MYOF: variants seen among roughly 807,000 people sequenced by gnomAD.
MYOF encodes the protein fer-1-like 3, myoferlin.
MYOF carries 244 observed loss-of-function variants against 284.2 expected under a neutral mutation model. The ratio of observed to expected loss-of-function variants is 0.86; its 90% confidence interval spans 0.77 to 0.95. The LOEUF (loss-of-function observed/expected upper bound fraction) is 0.95. Ranked by LOEUF, MYOF falls within the 40% of genes least tolerant of loss-of-function variation. MYOF has a pLI of 0.00. For missense variants in MYOF, 2,496 were observed against 2,560.6 expected (o/e 0.97, Z 0.54); for synonymous variants, 904 against 919.7 (o/e 0.98, Z 0.31).
Position 93,326,110 on chromosome 10 carries a change from A to G in MYOF, c.5132-145T>C, listed in dbSNP as rs1031591271. The G allele has an allele frequency of 1.4e-5, 15 of 1,082,126 alleles. No individual in the cohort carries two copies. The African/African-American group carries it at 2.2e-4, about 16-fold the overall frequency. 67.0% of individuals were successfully genotyped at this position (1,082,126 alleles called of 1,614,324 possible). A position where few individuals can be genotyped will look rare whatever the true frequency, so the allele number is the denominator to read the frequency against. On this transcript the variant is annotated intron_variant, in intron 45 of 53. Coordinates refer to ENST00000359263, the MANE Select transcript of MYOF (RefSeq NM_013451.4). ...CATGCAAACTTTGACTTGTGAAGGA[A>G]GAGTTGACAGAAAGAGCTTCTGACC...
intron 26 of MYOF, among the ~76,000 whole-genome samples, chr10:93,364,608 C>T (rs975375338): frequency 6.6e-6 from 1 of 152,160 alleles, no homozygotes; most frequent in African/African-American, 2.4e-5. Context: ...GACAGCCAAA[C>T]CAGGTCATTT....
intron 53 of MYOF, 89 bp downstream of exon 53, chr10:93,309,931 C>G: frequency 6.5e-7 from 1 of 1,528,454 alleles, no homozygotes; most frequent in Non-Finnish European, 9.0e-7. Flanking sequence ...GGTCATTCTT[C>G]TGCACAGTGG....
Position 93,381,296 on chromosome 10 carries a change from C to G in MYOF, c.1799G>C (p.Gly600Ala), listed in dbSNP as rs1278290684. Reference sequence around the variant, plus strand: ...GGTGTCAAACTTGTTGCCATAGTTCCCAATGCTGACTTCAAACTGAATGGC... The same window carrying G: ...GGTGTCAAACTTGTTGCCATAGTTCGCAATGCTGACTTCAAACTGAATGGC... ...GEAIQFEVSI[G>A]NYGNKFDTTC... is the part of the protein sequence containing the mutation. The change falls in exon 20 of 54, where the codon GGG becomes GCG. Residue 600 changes from glycine (G) to alanine (A), a missense_variant. This residue lies in a region of MYOF where 2,436 missense variants were observed against 2,480.7 expected (regional missense o/e 0.98). Transcript: ENST00000359263. 1 of 1,614,046 alleles carries G rather than the reference C, an allele frequency of 6.2e-7. No individual in the cohort carries two copies. The highest frequency in any genetic ancestry group is 8.5e-7 in the Non-Finnish European group (1 of 1,180,054).
intron 1 of MYOF, among the ~76,000 whole-genome samples, chr10:93,481,182 T>C (rs865848688): frequency 2.0e-5 from 3 of 152,196 alleles, no homozygotes; most frequent in Non-Finnish European, 2.9e-5. Context: ...CAATCAAGTG[T>C]CATAGAAAAA....
At chr10:93,329,904 T>C (rs941269582) in intron 43 of MYOF, 70 bp from the exon 44 acceptor site, 9 of 1,510,006 alleles carry the variant, frequency 6.0e-6, no homozygotes, top group Non-Finnish European at 7.3e-6. Context: ...TGGGGCTCTG[T>C]GCACAGAATT....
chr10:93,461,890 C>G (rs1475291975), intron 1 of MYOF, among the ~76,000 whole-genome samples: 3 of 152,192 alleles, frequency 2.0e-5, no homozygotes, highest in South Asian at 4.1e-4. Flanking sequence ...TCTCCCAATG[C>G]ATGTTCCTGA....
At chr10:93,422,184 G>A (rs1330753571) in intron 5 of MYOF, among the ~76,000 whole-genome samples, 2 of 152,216 alleles carry the variant, frequency 1.3e-5, no homozygotes, top group Admixed American at 6.5e-5. Context: ...TTGCCCTGCA[G>A]ACACAGCTCA....
At chr10:93,417,365 A>G (rs1397564965) in intron 5 of MYOF, among the ~76,000 whole-genome samples, 115 of 152,296 alleles carry the variant, frequency 7.6e-4, no homozygotes, top group Non-Finnish European at 2.5e-4. Flanking sequence ...TCCTCTTTCC[A>G]GACGCTCAGC....
intron 50 of MYOF, 124 bp downstream of exon 50, chr10:93,316,590 C>T: frequency 1.2e-5 from 10 of 809,962 alleles, no homozygotes; most frequent in Middle Eastern, 6.9e-4. Flanking sequence ...TATCCCCTGT[C>T]CCCCCACCAG....
In MYOF at chr10:93,325,936, C is replaced by T. The variant is rs565434611; in HGVS notation, c.5161G>A (p.Gly1721Arg). The change falls in exon 46 of 54, where the codon GGG (glycine) becomes AGG (arginine). Residue 1721 changes from glycine to arginine, a missense_variant. Coordinates refer to ENST00000359263, the MANE Select transcript of MYOF (RefSeq NM_013451.4). Reference sequence around the variant, plus strand: ...AGAGCAAGCCGCTCTTCAGGGGCCCCGAGGTGCTGGTGCAGGATTTTGTTG... The same window carrying T: ...AGAGCAAGCCGCTCTTCAGGGGCCCTGAGGTGCTGGTGCAGGATTTTGTTG... ...EANKILHQHL[G>R]APEERLALHI... 112 of 1,613,830 alleles carry T rather than the reference C, an allele frequency of 6.9e-5. No individual in the cohort carries two copies. The highest frequency in any genetic ancestry group is 1.0e-4 in the Admixed American group (6 of 59,964).
rs892021182 is a variant in MYOF, at chr10:93,397,232, G to A, written c.1334+15C>T. ...ATTTTATGTTGAATTAGACACATAC[G>A]TATTTTCAACTCACCAGTCATATAT... On this transcript the variant is annotated intron_variant, in intron 15 of 53. Transcript: ENST00000359263. 1.2e-5 allele frequency: 19 copies of A among 1,551,912 alleles called. No individual in the cohort carries two copies. Among genetic ancestry groups the A allele is most frequent in the Middle Eastern group, 2.3e-4 (1 of 4,346 alleles).
intron 4 of MYOF, 126 bp from the exon 5 acceptor site, chr10:93,426,284 G>A (rs1015876939): frequency 9.0e-6 from 8 of 893,668 alleles, no homozygotes; most frequent in Non-Finnish European, 1.3e-5. Context: ...GTAGGTAAGC[G>A]AGGCTGGAAA....
intron 48 of MYOF, among the ~76,000 whole-genome samples, 169 bp from the exon 49 acceptor site, chr10:93,320,182 A>G (rs895537063): frequency 2.6e-5 from 4 of 152,174 alleles, no homozygotes; most frequent in South Asian, 4.1e-4. Context: ...GAGGTGCTCT[A>G]TTGCATCCAA....
chr10:93,324,226 G>A (rs1042066137), intron 46 of MYOF: 1 of 152,216 alleles, frequency 6.6e-6, no homozygotes, highest in African/African-American at 2.4e-5. Flanking sequence ...AACTGTTTTT[G>A]AGTGTTCTGT....
intron 29 of MYOF, 130 bp downstream of exon 29, chr10:93,359,703 G>T: frequency 8.0e-7 from 1 of 1,243,058 alleles, no homozygotes; most frequent in Non-Finnish European, 1.1e-6. Context: ...GGCTCACTTT[G>T]AGAACCCTTG....
At chr10:93,313,722 G>A (rs890509503) in intron 50 of MYOF, among the ~76,000 whole-genome samples, 12 of 151,958 alleles carry the variant, frequency 7.9e-5, no homozygotes, top group African/African-American at 2.9e-4. Context: ...CCAACATGGT[G>A]AAACCCCGTC....
At chr10:93,442,069 T>G (rs1352460933) in intron 3 of MYOF, among the ~76,000 whole-genome samples, 1 of 149,188 alleles carries the variant, frequency 6.7e-6, no homozygotes, top group African/African-American at 2.5e-5. Context: ...GTCTGGGCTC[T>G]GTGTAAGAGG....
intron 25 of MYOF, 87 bp downstream of exon 25, chr10:93,369,558 G>T: frequency 6.4e-7 from 1 of 1,557,610 alleles, no homozygotes; most frequent in Non-Finnish European, 8.7e-7. Flanking sequence ...GTTGTTTTTG[G>T]TATGTAAATG....
At chr10:93,401,274 AGAAT>A in intron 12 of MYOF, 140 bp downstream of exon 12, 2 of 1,201,408 alleles carry the variant, frequency 1.7e-6, no homozygotes, top group South Asian at 3.2e-5. Context: ...CAACTGGGCC[AGAAT>A]GAATGAAAAT....
Sources: allele counts gnomAD v4.1 joint callset (sites outside exome capture counted in the v4.1 genomes callset), GRCh38; gene constraint gnomAD v4.1.1; regional missense constraint gnomAD v4.1.1; transcripts MANE v1.5; gene names NCBI Gene and HGNC (gene_info 2026-07-23, HGNC 2026-07-21).